The following LRRC9 variants were observed in gnomAD, a reference collection of about 807,000 sequenced individuals.
LRRC9 encodes leucine rich repeat containing 9.
Under a neutral mutation model 63.2 loss-of-function variants are expected in LRRC9, and 122 were observed. That is an observed-to-expected ratio of 1.93 (90% CI 1.67 to 2.24). The LOEUF is 2.24. Among genes scored for constraint, LRRC9 ranks in the 30% most tolerant of loss-of-function variants. The pLI is 0.00. For missense variants in LRRC9, 1,071 were observed against 627.7 expected (o/e 1.71, Z -7.55); for synonymous variants, 366 against 213.1 (o/e 1.72, Z -6.25).
chr14:60,048,964 C>G (rs1219410324), intron 29 of LRRC9, among the ~76,000 whole-genome samples: 3 of 152,122 alleles, frequency 2.0e-5, no homozygotes, highest in Non-Finnish European at 4.4e-5. Flanking sequence ...CCCTGTGATG[C>G]AAGGTTGGTT....
rs77394248 is a variant in LRRC9 at position 60,051,872 on chromosome 14, C to T, written c.3991-1193C>T. On this transcript the variant is annotated intron_variant, in intron 29 of 31. Coordinates refer to ENST00000445360, the Ensembl canonical transcript of LRRC9. The surrounding 1 kb of genome is among the most constrained non-coding windows in gnomAD (Gnocchi z 4.7). ...GGGTTGCAAAGATTCATGGGAGAAG[C>T]GTGGTTTCCTGGGCACGATAGCACA... 3.6e-3 allele frequency among the ~76,000 whole-genome samples: 545 copies of T among 152,246 alleles called. 5 individuals are homozygous for T. The highest frequency in any genetic ancestry group is 0.013 in the African/African-American group (521 of 41,544).
chr14:60,050,453 T>C (rs1893797281), intron 29 of LRRC9, among the ~76,000 whole-genome samples: 1 of 152,210 alleles, frequency 6.6e-6, no homozygotes, highest in African/African-American at 2.4e-5. Context: ...ACTATTCTGA[T>C]TATCAGCTCC....
intron 15 of LRRC9, among the ~76,000 whole-genome samples, chr14:59,981,263 C>T (rs532407011): frequency 8.0e-4 from 121 of 151,904 alleles, no homozygotes; most frequent in Non-Finnish European, 1.5e-3. Context: ...GTGTCCTTTT[C>T]TTTTCCATAG....
At chr14:60,063,202 T>G (rs1180400597) in intron 31 of LRRC9, 121 bp from the exon 33 acceptor site, 3 of 618,530 alleles carry the variant, frequency 4.9e-6, no homozygotes, top group African/African-American at 3.7e-5. Context: ...TAATTTTGTC[T>G]TTTTGAAATT....
At chr14:60,049,036 A>G (rs1173527252) in intron 29 of LRRC9, among the ~76,000 whole-genome samples, 1 of 152,234 alleles carries the variant, frequency 6.6e-6, no homozygotes, top group African/African-American at 2.4e-5. Context: ...CAAAAATCAC[A>G]TAATTATTTC....
chr14:59,977,568 T>TTGTG (rs150262478), intron 14 of LRRC9, among the ~76,000 whole-genome samples: 4,995 of 144,550 alleles, frequency 0.035, 115 homozygotes, highest in African/African-American at 0.054. Flanking sequence ...AATTATGTAT[T>TTGTG]TGTGTGTGTG....
intron 19 of LRRC9, among the ~76,000 whole-genome samples, chr14:60,000,421 T>G (rs924017013): frequency 8.5e-5 from 13 of 152,158 alleles, no homozygotes; most frequent in Non-Finnish European, 1.8e-4. Flanking sequence ...AACCTGCACA[T>G]GTACCCCCTG....
rs1257857802 is a variant in LRRC9 at position 60,027,991 on chromosome 14, C to T, written c.3811C>T (p.Pro1271Ser). ...ATTTAATGACAGTGCTTTTGCCAAA[C>T]CAAGTTCTTTATTGGCACTTCACTT... Residue 1271 changes from proline (P) to serine (S), a missense_variant, in exon 28 of 32, where the codon CCA becomes TCA. By Grantham distance (74) the Pro-to-Ser change is moderately conservative (BLOSUM62 -1). Coordinates refer to ENST00000445360, the Ensembl canonical transcript of LRRC9. The surrounding 1 kb of genome is among the most constrained non-coding windows in gnomAD (Gnocchi z 4.0). 2 of 701,898 alleles carry T rather than the reference C, an allele frequency of 2.8e-6. No individual in the cohort carries two copies. The highest frequency in any genetic ancestry group is 5.2e-6 in the Non-Finnish European group (2 of 384,266). The allele number at this position is 701,898 out of a possible 1,614,324, so 43.5% of individuals were successfully genotyped here.
intron 29 of LRRC9, among the ~76,000 whole-genome samples, chr14:60,045,570 C>T (rs895290865): frequency 1.4e-4 from 21 of 152,070 alleles, no homozygotes; most frequent in Admixed American, 7.9e-4. Flanking sequence ...TAATGGCTTC[C>T]GGCTCTATCC....
intron 1 of LRRC9, among the ~76,000 whole-genome samples, chr14:59,926,941 A>G (rs1375717130): frequency 6.6e-6 from 1 of 152,138 alleles, no homozygotes; most frequent in African/African-American, 2.4e-5. Context: ...ATGTCTATAC[A>G]TTCATACTAG....
rs1462101398 is a variant in LRRC9 at position 60,051,034 on chromosome 14, G to C, written c.3991-2031G>C. ...AGGTGTCTGGAGACCCCTGTTAAGA[G>C]TTCTCACCCAGTCAGGAGGAACAGG... is the stretch of plus-strand genomic sequence containing the variant. On this transcript the variant is annotated intron_variant, in intron 29 of 31. Coordinates refer to ENST00000445360, the Ensembl canonical transcript of LRRC9. This position sits in a 1 kb window ranked among gnomAD's most constrained non-coding sequence, Gnocchi z 4.7. Among the ~76,000 whole-genome samples, 1 of 152,200 alleles carries C rather than the reference G, an allele frequency of 6.6e-6. No individual in the cohort carries two copies.
At position 59,958,918 on chromosome 14, in the gene LRRC9, C is replaced by G. The variant is rs1340827273; in HGVS notation, c.883-900C>G. Among the ~76,000 whole-genome samples the G allele has an allele frequency of 6.6e-6, 1 of 152,196 alleles. No individual in the cohort carries two copies. Among genetic ancestry groups the G allele is most frequent in the African/African-American group, 2.4e-5 (1 of 41,452 alleles). On this transcript the variant is annotated intron_variant, in intron 8 of 31. Coordinates refer to ENST00000445360, the Ensembl canonical transcript of LRRC9. The surrounding 1 kb of genome is among the most constrained non-coding windows in gnomAD (Gnocchi z 4.0). ...GATGTGACACCCCACCCTGCTTCTG[C>G]TCACCCTCTGTGGGTTGGACCCACT... is the stretch of plus-strand genomic sequence containing the variant.
intron 28 of LRRC9, among the ~76,000 whole-genome samples, chr14:60,029,667 T>C (rs1843334266): frequency 1.3e-5 from 2 of 152,122 alleles, no homozygotes; most frequent in Admixed American, 1.3e-4. Context: ...CTATCCCTCT[T>C]AAGCAAATGA....
intron 6 of LRRC9, among the ~76,000 whole-genome samples, chr14:59,933,154 G>A (rs895112298): frequency 6.6e-6 from 1 of 151,882 alleles, no homozygotes; most frequent in African/African-American, 2.4e-5. Context: ...TCAAAATATT[G>A]TGTTGTAAGT....
intron 16 of LRRC9, among the ~76,000 whole-genome samples, chr14:59,982,691 C>T (rs1210454909): frequency 6.6e-6 from 1 of 152,170 alleles, no homozygotes; most frequent in African/African-American, 2.4e-5. Flanking sequence ...CATATCTAAA[C>T]TATTATCATG....
intron 29 of LRRC9, among the ~76,000 whole-genome samples, chr14:60,039,847 T>G (rs1892789451): frequency 6.6e-6 from 1 of 152,206 alleles, no homozygotes; most frequent in African/African-American, 2.4e-5. Context: ...TTCTTTTAAT[T>G]GTGATGTTAG....
At chr14:59,941,129 A>AGTG (rs1341428434) in intron 7 of LRRC9, among the ~76,000 whole-genome samples, 1 of 151,928 alleles carries the variant, frequency 6.6e-6, no homozygotes, top group Non-Finnish European at 1.5e-5. Flanking sequence ...GTGATTTTGA[A>AGTG]AAAGTTTAGA....
chr14:60,061,872 T>C, intron 31 of LRRC9, 139 bp from the exon 32 acceptor site: 1 of 391,720 alleles, frequency 2.6e-6, no homozygotes, highest in Non-Finnish European at 4.5e-6. Context: ...ATTTGAAATT[T>C]TAAATTCACT....
intron 29 of LRRC9, among the ~76,000 whole-genome samples, chr14:60,039,564 G>C (rs1281312016): frequency 6.6e-6 from 1 of 152,158 alleles, no homozygotes; most frequent in Admixed American, 6.5e-5. Context: ...GGTGTTTATA[G>C]TATTCTCTGA....
Sources: allele counts gnomAD v4.1 joint callset (sites outside exome capture counted in the v4.1 genomes callset), GRCh38; gene constraint gnomAD v4.1.1; non-coding constraint Gnocchi (gnomAD v3.1); transcripts MANE v1.5; gene names NCBI Gene and HGNC (gene_info 2026-07-23, HGNC 2026-07-21).